GABRA4: variants seen among roughly 807,000 people sequenced by gnomAD.
GABRA4 encodes the protein gamma-aminobutyric acid receptor subunit alpha-4.
GABRA4 carries 12 observed loss-of-function variants against 49.7 expected under a neutral mutation model. That is an observed-to-expected ratio of 0.24 (90% CI 0.15 to 0.39). The LOEUF (loss-of-function observed/expected upper bound fraction) is 0.39. GABRA4 is among the 10% of genes least tolerant of loss of function. The probability of loss-of-function intolerance (pLI) is 1.00; values close to 1 mark genes in which losing one functional copy is unlikely to be tolerated. For synonymous variants in GABRA4, 288 were observed against 240.2 expected (o/e 1.20, Z -1.84); for missense variants, 506 against 686.0 (o/e 0.74, Z 2.93).
chr4:46,924,079 C>A lies in GABRA4; in HGVS notation c.*4146G>T, dbSNP rs1204406946. 1 of 152,088 alleles carries A rather than the reference C, an allele frequency of 6.6e-6. No homozygotes were observed. Among genetic ancestry groups the A allele is most frequent in the Non-Finnish European group, 1.5e-5 (1 of 68,008 alleles). 9.4% of individuals were successfully genotyped at this position (152,088 alleles called of 1,614,324 possible). ...TTAGCTTAAGATTATATCTGTGAAA[C>A]CTTCTCTGCTATCACTCTTGTTCCT... On this transcript the variant is annotated 3_prime_UTR_variant, in exon 9 of 9. Transcript: ENST00000264318.
rs1721267180 is a variant in GABRA4 at position 46,927,414 on chromosome 4, T to C, written c.*811A>G. ...CTAGTTTATGGTTCTTTGGCATGCA[T>C]TGACTGTTCTACTTTTTAAGTAATA... On this transcript the variant is annotated 3_prime_UTR_variant, in exon 9 of 9. Transcript: ENST00000264318. 6.6e-6 allele frequency: 1 copy of C among 152,532 alleles called. No homozygotes were observed. Among genetic ancestry groups the C allele is most frequent in the South Asian group, 2.1e-4 (1 of 4,834 alleles). 9.4% of individuals were successfully genotyped at this position (152,532 alleles called of 1,614,324 possible).
At chr4:46,957,397 T>C (rs963581653) in intron 8 of GABRA4, among the ~76,000 whole-genome samples, 10 of 151,952 alleles carry the variant, frequency 6.6e-5, no homozygotes, top group Non-Finnish European at 1.5e-4. Flanking sequence ...CAAATAGAAT[T>C]GTAAGAATCT....
chr4:46,937,506 C>T (rs1247981657), intron 8 of GABRA4, among the ~76,000 whole-genome samples: 1 of 152,120 alleles, frequency 6.6e-6, no homozygotes. Flanking sequence ...TTTCTAGTCT[C>T]TTCTGTTGTG....
intron 8 of GABRA4, among the ~76,000 whole-genome samples, chr4:46,950,709 C>A (rs1236292530): frequency 2.9e-5 from 2 of 68,348 alleles, no homozygotes; most frequent in Non-Finnish European, 3.3e-5. Context: ...TAATGATATT[C>A]TCTAAGAAAA....
intron 6 of GABRA4, among the ~76,000 whole-genome samples, 193 bp downstream of exon 6, chr4:46,974,039 T>A (rs1723049709): frequency 1.3e-5 from 2 of 151,884 alleles, no homozygotes; most frequent in Non-Finnish European, 1.5e-5. Flanking sequence ...TCTTACTAAA[T>A]CAGAATTTAT....
In GABRA4 at chr4:46,927,421, T is replaced by C. The variant is rs1721267610; in HGVS notation, c.*804A>G. 6.6e-6 allele frequency: 1 copy of C among 152,550 alleles called. No homozygotes were observed. Among genetic ancestry groups the C allele is most frequent in the Admixed American group, 6.6e-5 (1 of 15,232 alleles). 9.4% of individuals were successfully genotyped at this position (152,550 alleles called of 1,614,324 possible). On this transcript the variant is annotated 3_prime_UTR_variant, in exon 9 of 9. Transcript: ENST00000264318. Reference sequence around the variant, plus strand: ...ATGGTTCTTTGGCATGCATTGACTGTTCTACTTTTTAAGTAATATTGTAGA... The same window carrying C: ...ATGGTTCTTTGGCATGCATTGACTGCTCTACTTTTTAAGTAATATTGTAGA...
At chr4:46,943,299 C>T (rs1022045961) in intron 8 of GABRA4, among the ~76,000 whole-genome samples, 2 of 152,116 alleles carry the variant, frequency 1.3e-5, no homozygotes, top group Admixed American at 6.6e-5. Flanking sequence ...CTGCTTCCTT[C>T]TGCCTTATTC....
At chr4:46,956,041 T>TA (rs929844225) in intron 8 of GABRA4, among the ~76,000 whole-genome samples, 10 of 151,990 alleles carry the variant, frequency 6.6e-5, no homozygotes, top group African/African-American at 1.7e-4. Flanking sequence ...CAAACTAACA[T>TA]AAAAAATGGC....
chr4:46,990,419 T>C (rs569069131), intron 2 of GABRA4, among the ~76,000 whole-genome samples: 3 of 152,198 alleles, frequency 2.0e-5, no homozygotes, highest in Non-Finnish European at 4.4e-5. Flanking sequence ...AAAGGATCCA[T>C]ATACAATGGA....
intron 8 of GABRA4, among the ~76,000 whole-genome samples, chr4:46,942,863 T>TAAC: frequency 1.3e-5 from 2 of 152,200 alleles, no homozygotes; most frequent in Admixed American, 1.3e-4. Flanking sequence ...ATGGGCCTGT[T>TAAC]CAGTTGCTTT....
chr4:46,982,624 T>C (rs958529373), intron 2 of GABRA4, among the ~76,000 whole-genome samples: 9 of 152,116 alleles, frequency 5.9e-5, no homozygotes, highest in African/African-American at 2.2e-4. Context: ...CTTCTTCTGA[T>C]ATTCAGTCTT....
intron 2 of GABRA4, among the ~76,000 whole-genome samples, chr4:46,989,807 C>A (rs1362656897): frequency 6.6e-6 from 1 of 152,126 alleles, no homozygotes; most frequent in Non-Finnish European, 1.5e-5. Flanking sequence ...GGAAGTAAAT[C>A]CATATTTATA....
chr4:46,979,216 AC>A (rs1226934857), intron 2 of GABRA4, 118 bp from the exon 3 acceptor site: 1 of 638,780 alleles, frequency 1.6e-6, no homozygotes, highest in Non-Finnish European at 2.8e-6. Flanking sequence ...CAAGCATCTT[AC>A]ATTTTCAGTG....
chr4:46,935,237 A>G (rs997940585), intron 8 of GABRA4, among the ~76,000 whole-genome samples: 1 of 152,178 alleles, frequency 6.6e-6, no homozygotes, highest in Admixed American at 6.5e-5. Flanking sequence ...CTGGTTGCAA[A>G]TACCGAATTT....
chr4:46,993,238 G>T, intron 1 of GABRA4, 101 bp downstream of exon 1: 1 of 1,002,630 alleles, frequency 1.0e-6, no homozygotes, highest in South Asian at 1.3e-5. Flanking sequence ...GAGATAAGAA[G>T]ACCTAGTCCA....
In GABRA4 at chr4:46,968,506, G is replaced by A. The variant is rs537708841; in HGVS notation, c.874+2577C>T. On this transcript the variant is annotated intron_variant, in intron 7 of 8. Coordinates refer to ENST00000264318, the MANE Select transcript of GABRA4 (RefSeq NM_000809.4). ...CAGACTGACTGAGTTGTCAAAGTTA[G>A]ACAGAAATTGTCTTGGGTCCACCAA... 1.7e-4 allele frequency among the ~76,000 whole-genome samples: 26 copies of A among 151,710 alleles called. No homozygotes were observed. The South Asian group carries it at 5.4e-3, about 31-fold the overall frequency.
At chr4:46,980,362 G>T (rs1215427717) in intron 2 of GABRA4, among the ~76,000 whole-genome samples, 2 of 132,234 alleles carry the variant, frequency 1.5e-5, no homozygotes, top group Non-Finnish European at 3.2e-5. Flanking sequence ...CTTGGGAAAT[G>T]CGATTTATGC....
chr4:46,965,801 A>T (rs1722732648), intron 7 of GABRA4, among the ~76,000 whole-genome samples: 1 of 151,828 alleles, frequency 6.6e-6, no homozygotes, highest in Admixed American at 6.6e-5. Context: ...TTTAAATATT[A>T]TCTATTGAAT....
chr4:46,989,189 T>C (rs1265140468), intron 2 of GABRA4, among the ~76,000 whole-genome samples: 2 of 152,164 alleles, frequency 1.3e-5, no homozygotes, highest in East Asian at 3.8e-4. Context: ...AACCCTTCAA[T>C]AAACGGAAAA....
Sources: allele counts gnomAD v4.1 joint callset (sites outside exome capture counted in the v4.1 genomes callset), GRCh38; gene constraint gnomAD v4.1.1; transcripts MANE v1.5; gene names NCBI Gene and HGNC (gene_info 2026-07-23, HGNC 2026-07-21).